The following DMD variants were observed in gnomAD, a reference collection of about 807,000 sequenced individuals.
The protein encoded by DMD is mutant dystrophin.
Under a neutral mutation model 330.1 loss-of-function variants are expected in DMD, and 63 were observed. The ratio of observed to expected loss-of-function variants is 0.19; its 90% CI spans 0.16 to 0.24. The LOEUF (loss-of-function observed/expected upper bound fraction) is 0.24. Ranked by LOEUF, DMD falls within the 10% of genes least tolerant of loss-of-function variation. The probability of loss-of-function intolerance (pLI) is 1.00; values close to 1 mark genes in which losing one functional copy is unlikely to be tolerated. For synonymous variants in DMD, 1,223 were observed against 959.8 expected, an observed-to-expected ratio of 1.27 and a Z score of -5.07; for missense variants, 3,344 against 2,684.1, an observed-to-expected ratio of 1.25 and a Z score of -5.43.
intron 53 of DMD, among the ~76,000 whole-genome samples, chrX:31,674,025 C>A (rs2081953162): frequency 8.9e-6 from 1 of 111,884 alleles, no homozygotes; most frequent in South Asian, 3.7e-4. Flanking sequence ...ATGGTAGGTC[C>A]TGGCAAGAAG....
intron 54 of DMD, among the ~76,000 whole-genome samples, chrX:31,645,878 G>T (rs942219581): frequency 3.6e-5 from 4 of 111,837 alleles, no homozygotes; most frequent in African/African-American, 1.3e-4. Context: ...TGTTCGCTTT[G>T]ATTTAACTTG....
chrX:32,468,298 A>T (rs2040262237), intron 23 of DMD, among the ~76,000 whole-genome samples, 200 bp downstream of exon 23: 1 of 111,180 alleles, frequency 9.0e-6, no homozygotes, highest in Non-Finnish European at 1.9e-5. Context: ...TTCTAAAAAC[A>T]CTGAGAAAAC....
chrX:32,282,327 T>C (rs1350305469), intron 43 of DMD, among the ~76,000 whole-genome samples: 1 of 112,026 alleles, frequency 8.9e-6, no homozygotes, highest in Non-Finnish European at 1.9e-5. Flanking sequence ...AAATTCTTTG[T>C]TTTTACATGT....
At chrX:32,341,381 T>C (rs2097741576) in intron 41 of DMD, among the ~76,000 whole-genome samples, 1 of 111,941 alleles carries the variant, frequency 8.9e-6, no homozygotes, top group Non-Finnish European at 1.9e-5. Context: ...CTACTACAAA[T>C]AAAGAAGTGA....
At chrX:32,270,414 G>A (rs961986145) in intron 43 of DMD, among the ~76,000 whole-genome samples, 1 of 111,885 alleles carries the variant, frequency 8.9e-6, no homozygotes, top group Admixed American at 9.5e-5. Context: ...TAACAGAGTT[G>A]TCTGTGTTTT....
chrX:32,798,089 T>A (rs973087074), intron 7 of DMD, among the ~76,000 whole-genome samples: 7 of 111,732 alleles, frequency 6.3e-5, no homozygotes, highest in African/African-American at 1.3e-4. Context: ...TGACAAATCA[T>A]AGAAGAATGT....
At chrX:32,562,994 T>G (rs2051206199) in intron 16 of DMD, among the ~76,000 whole-genome samples, 1 of 111,512 alleles carries the variant, frequency 9.0e-6, no homozygotes, top group Non-Finnish European at 1.9e-5. Context: ...TAAGTCCTTT[T>G]ATTTATTTCT....
intron 1 of DMD, chrX:33,128,229 G>C (rs2095476966): frequency 1.5e-5 from 18 of 1,175,891 alleles, no homozygotes; most frequent in Non-Finnish European, 1.9e-5. Context: ...TTTCCCTGTT[G>C]GTACTTTTCT....
intron 1 of DMD, among the ~76,000 whole-genome samples, chrX:33,195,732 TTGTGTG>T (rs71969580): frequency 1.3e-4 from 13 of 97,715 alleles, no homozygotes; most frequent in South Asian, 4.9e-4. Context: ...CTGTTCTATT[TTGTGTG>T]TGTGTGTGTG....
chrX:32,206,254 C>G, intron 44 of DMD: 1 of 519,821 alleles, frequency 1.9e-6, no homozygotes, highest in East Asian at 3.7e-5. Context: ...GAGGAAGATA[C>G]AGAGTCAGAA....
rs145870966 is a variant in DMD at position 31,630,881 on chromosome X, A to G, written c.8028-3019T>C. ...CTGTATTGGTTAAGTACTTTTTTAC[A>G]TAACAAAGTTTTATAATCAGCTATT... is the stretch of plus-strand genomic sequence containing the variant. On this transcript the variant is annotated intron_variant, in intron 54 of 78. Coordinates refer to ENST00000357033, the MANE Select transcript of DMD (RefSeq NM_004006.3). Among the ~76,000 whole-genome samples the G allele has an allele frequency of 6.0e-3, 674 of 112,164 alleles. 4 individuals carry two copies. The highest frequency in any genetic ancestry group is 0.021 in the African/African-American group (637 of 30,948).
intron 45 of DMD, among the ~76,000 whole-genome samples, chrX:31,944,412 C>T (rs1298342197): frequency 9.0e-6 from 1 of 111,003 alleles, no homozygotes; most frequent in Non-Finnish European, 1.9e-5. Flanking sequence ...AAAAACTAAA[C>T]ATTTATTTTT....
rs139931702 is a variant in DMD, at chrX:33,067,054, A to G, written c.32-46854T>C. On this transcript the variant is annotated intron_variant, in intron 1 of 78. Transcript: ENST00000357033. Reference sequence around the variant, plus strand: ...TTTGTCATCCTTCAATCACTTCAGTAGAGAGAGAACATGTATGAAAGAGAC... The same window carrying G: ...TTTGTCATCCTTCAATCACTTCAGTGGAGAGAGAACATGTATGAAAGAGAC... Among the ~76,000 whole-genome samples, 790 of 112,364 alleles carry G rather than the reference A, an allele frequency of 7.0e-3. 10 individuals carry two copies. The highest frequency in any genetic ancestry group is 0.024 in the African/African-American group (750 of 30,969).
In DMD at chrX:31,209,713, A is replaced by C. The variant is rs199801843; in HGVS notation, c.9362-14T>G. The C allele has an allele frequency of 8.3e-7, 1 of 1,200,691 alleles. No individual in the cohort carries two copies. The highest frequency in any genetic ancestry group is 3.0e-5 in the East Asian group (1 of 33,557). On this transcript the variant is annotated splice_polypyrimidine_tract_variant and intron_variant, in intron 64 of 78. Transcript: ENST00000357033. The stretch of plus-strand genomic sequence containing the variant: ...TCAAGAGATCCACTGCAAAAAACAA[A>C]TAAAATCACAAATGACTCAAAGAGT...
chrX:33,135,892 C>T (rs1450349828), intron 1 of DMD, among the ~76,000 whole-genome samples: 1 of 112,285 alleles, frequency 8.9e-6, no homozygotes, highest in Non-Finnish European at 1.9e-5. Flanking sequence ...TTATATAGTT[C>T]TCAATAGGAA....
chrX:31,740,421 C>A (rs1446200985), intron 51 of DMD, among the ~76,000 whole-genome samples: 4 of 111,905 alleles, frequency 3.6e-5, no homozygotes, highest in Non-Finnish European at 1.9e-5. Context: ...CTCCTACACA[C>A]ATTTTAGAAG....
At chrX:31,363,010 C>A (rs1390544004) in intron 60 of DMD, among the ~76,000 whole-genome samples, 1 of 112,121 alleles carries the variant, frequency 8.9e-6, no homozygotes, top group Non-Finnish European at 1.9e-5. Flanking sequence ...GTAAACAAAT[C>A]TATACCTCAG....
At chrX:31,922,038 CAG>C (rs2149936346) in intron 47 of DMD, among the ~76,000 whole-genome samples, 1 of 111,746 alleles carries the variant, frequency 8.9e-6, no homozygotes, top group East Asian at 2.8e-4. Flanking sequence ...CGTTGGGTCT[CAG>C]GGGCAGGCCT....
chrX:31,563,094 C>T (rs1210863123), intron 55 of DMD, among the ~76,000 whole-genome samples: 6 of 110,835 alleles, frequency 5.4e-5, no homozygotes, highest in South Asian at 7.6e-4. Context: ...GATGGAGTTT[C>T]GCTCTTGTTG....
Sources: allele counts gnomAD v4.1 joint callset (sites outside exome capture counted in the v4.1 genomes callset), GRCh38; gene constraint gnomAD v4.1.1; transcripts MANE v1.5; gene names NCBI Gene and HGNC (gene_info 2026-07-23, HGNC 2026-07-21).